IL13RA1: variants seen among roughly 807,000 people sequenced by gnomAD.
The protein encoded by IL13RA1 is interleukin 13 receptor subunit alpha 1.
A neutral mutation model predicts 33.8 loss-of-function variants in IL13RA1; 14 were observed. That is an observed-to-expected ratio of 0.41 (90% CI 0.27 to 0.65). The LOEUF is 0.65. Among genes scored for constraint, IL13RA1 ranks in the 30% least tolerant of loss-of-function variants. IL13RA1 has a pLI of 0.28. For missense variants in IL13RA1, 313 were observed against 327.0 expected (o/e 0.96, Z 0.33); for synonymous variants, 116 against 115.7 (o/e 1.00, Z -0.02).
At chrX:118,787,475 G>C (rs113610288) in intron 10 of IL13RA1, among the ~76,000 whole-genome samples, 5,390 of 111,398 alleles carry the variant, frequency 0.048, 312 homozygotes, top group African/African-American at 0.16. Context: ...TGGTCCTGCT[G>C]TGCATGCATT....
At position 118,766,340 on chromosome X, in the gene IL13RA1, CT is replaced by C. The variant is rs1208568240; in HGVS notation, c.829-179del. Among the ~76,000 whole-genome samples the C allele has an allele frequency of 1.1e-3, 111 of 104,619 alleles. No individual in the cohort carries two copies. In the East Asian group the frequency reaches 0.017, roughly 16 times the overall value. 90.8% of individuals were successfully genotyped at this position (104,619 alleles called of 115,157 possible). On this transcript the variant is annotated intron_variant, in intron 6 of 10. Transcript: ENST00000371666. ...TAGTATGAGGTAGGGCGTCAAGAAT[CT>C]TTTTTTTTTTCATATGCATATGTAA... is the stretch of plus-strand genomic sequence containing the variant.
the IL13RA1 span, among the ~76,000 whole-genome samples, chrX:118,800,285 TC>T: frequency 9.1e-6 from 1 of 109,747 alleles, no homozygotes; most frequent in East Asian, 2.9e-4. Context: ...CGGGTCCCCT[TC>T]CACTTCTTTC....
At position 118,766,839 on chromosome X, in the gene IL13RA1, C is replaced by T; in HGVS notation, c.877-5C>T. 1 of 1,007,664 alleles carries T rather than the reference C, an allele frequency of 9.9e-7. No individual in the cohort carries two copies. The highest frequency in any genetic ancestry group is 2.2e-5 in the South Asian group (1 of 46,453). The allele number at this position is 1,007,664 out of a possible 1,213,427, so 83.0% of individuals were successfully genotyped here. A position where few individuals can be genotyped will look rare whatever the true frequency, so the allele number is the denominator to read the frequency against. On this transcript the variant is annotated splice_region_variant and splice_polypyrimidine_tract_variant and intron_variant, in intron 7 of 10. Coordinates refer to ENST00000371666, the MANE Select transcript of IL13RA1 (RefSeq NM_001560.3). ...TTCCTTGTGTATTTTTATTTTATGC[C>T]TAAGAATACATCTTGTTTCATGGTC...
At chrX:118,776,893 G>C in intron 10 of IL13RA1, among the ~76,000 whole-genome samples, 1 of 109,054 alleles carries the variant, frequency 9.2e-6, no homozygotes, top group East Asian at 2.9e-4. Flanking sequence ...GAGCCCAGGA[G>C]TTCAAGGTTG....
At chrX:118,745,397 GGATTTTGCTCACA>G (rs58878550) in intron 2 of IL13RA1, among the ~76,000 whole-genome samples, 18,897 of 111,257 alleles carry the variant, frequency 0.17, 1,482 homozygotes, top group East Asian at 0.4. Flanking sequence ...CTGCCTGTCA[GGATTTTGCTCACA>G]GACATTTCTT....
At chrX:118,732,412 A>T (rs1030126906) in intron 1 of IL13RA1, among the ~76,000 whole-genome samples, 5 of 109,727 alleles carry the variant, frequency 4.6e-5, no homozygotes, top group Non-Finnish European at 9.5e-5. Context: ...ATATATATAT[A>T]TATTTATTAT....
chrX:118,746,872 C>G (rs2017410862), intron 2 of IL13RA1, 82 bp from the exon 3 acceptor site: 6 of 685,078 alleles, frequency 8.8e-6, no homozygotes, highest in Non-Finnish European at 1.3e-5. Flanking sequence ...ATAAAAAAAG[C>G]ACCACATTTA....
chrX:118,743,307 G>A (rs2017365914), intron 2 of IL13RA1, among the ~76,000 whole-genome samples: 1 of 111,802 alleles, frequency 8.9e-6, no homozygotes, highest in African/African-American at 3.2e-5. Flanking sequence ...TGTACATTAG[G>A]GGGCTTAGGA....
Position 118,773,883 on chromosome X carries a change from G to A in IL13RA1, c.1014G>A (p.Lys338=), listed in dbSNP as rs1231944206. The A allele has an allele frequency of 9.3e-6, 9 of 963,908 alleles. No individual in the cohort carries two copies. The highest frequency in any genetic ancestry group is 2.6e-4 in the Middle Eastern group (1 of 3,881). The allele number at this position is 963,908 out of a possible 1,213,427, so 79.4% of individuals were successfully genotyped here. A position where few individuals can be genotyped will look rare whatever the true frequency, so the allele number is the denominator to read the frequency against. The part of the protein sequence containing the change: ...SNWSQEMSIG[K]KRNSTLYITM... ...TGTTTGCTTTTCATTCTCCAGGTAA[G>A]AAGCGCAATTCCACACTCTACATAA... is the stretch of plus-strand genomic sequence containing the variant. Residue 338 remains lysine, a synonymous_variant, in exon 9 of 11, where the codon AAG becomes AAA. Coordinates refer to ENST00000371666, the MANE Select transcript of IL13RA1 (RefSeq NM_001560.3).
intron 3 of IL13RA1, among the ~76,000 whole-genome samples, chrX:118,749,103 A>G (rs1047226695): frequency 3.6e-5 from 4 of 111,924 alleles, no homozygotes; most frequent in Non-Finnish European, 5.6e-5. Flanking sequence ...TTTAGTAGAG[A>G]CAGGGTTTTG....
At chrX:118,797,535 C>T (rs756578992), downstream of IL13RA1, among the ~76,000 whole-genome samples, 28 of 112,292 alleles carry the variant, frequency 2.5e-4, no homozygotes, top group Non-Finnish European at 4.5e-4. Context: ...TCCCACTCCT[C>T]CTTACCCCTG....
Position 118,775,067 on chromosome X carries a change from AG to A in IL13RA1, c.1106+1093del, listed in dbSNP as rs2017767600. Among the ~76,000 whole-genome samples, 3 of 111,620 alleles carry A rather than the reference AG, an allele frequency of 2.7e-5. No homozygotes were observed. The East Asian group carries it at 8.4e-4, about 31-fold the overall frequency. ...AATAAATACTATAATTTCACTTAGA[AG>A]TATAATTGACAGTAGTGGGGTATGG... On this transcript the variant is annotated intron_variant, in intron 9 of 10. Transcript: ENST00000371666.
intron 1 of IL13RA1, chrX:118,738,043 A>C (rs1321505051): frequency 8.9e-6 from 1 of 111,796 alleles, no homozygotes; most frequent in Non-Finnish European, 1.9e-5. Flanking sequence ...TAATCACTTA[A>C]AATCCTAACT....
At chrX:118,768,064 T>C (rs142808547) in intron 8 of IL13RA1, among the ~76,000 whole-genome samples, 68 of 111,785 alleles carry the variant, frequency 6.1e-4, no homozygotes, top group African/African-American at 1.9e-3. Context: ...TGATTTCTAA[T>C]ATTTGAGGTA....
rs758821336 is a variant in IL13RA1 at position 118,794,039 on chromosome X, G to A, written c.*2185G>A. On this transcript the variant is annotated 3_prime_UTR_variant, in exon 11 of 11. Transcript: ENST00000371666. Reference sequence around the variant, plus strand: ...ATGCCTCCCCCTAGCCATTTTTACTGTTATCCTATTTAGATGGCCATGAAG... The same window carrying A: ...ATGCCTCCCCCTAGCCATTTTTACTATTATCCTATTTAGATGGCCATGAAG... 11 of 112,187 alleles carry A rather than the reference G, an allele frequency of 9.8e-5. No homozygotes were observed. Among genetic ancestry groups the A allele is most frequent in the Non-Finnish European group, 2.1e-4 (11 of 53,234 alleles). The allele number at this position is 112,187 out of a possible 1,213,427, so 9.2% of individuals were successfully genotyped here.
downstream of IL13RA1, among the ~76,000 whole-genome samples, chrX:118,797,740 G>A (rs2018039360): frequency 8.9e-6 from 1 of 112,383 alleles, no homozygotes; most frequent in Non-Finnish European, 1.9e-5. Context: ...AAGCAGAAGA[G>A]GGAGAAAGAG....
At position 118,747,099 on chromosome X, in the gene IL13RA1, A is replaced by G. The variant is rs111691480; in HGVS notation, c.367+7A>G. ...TGCATCTCACCCCCAGAAGGTAACA[A>G]CTGAAAGCGCTATCTCTTGGTGTTT... is the stretch of plus-strand genomic sequence containing the variant. On this transcript the variant is annotated splice_region_variant and intron_variant, in intron 3 of 10. Coordinates refer to ENST00000371666, the MANE Select transcript of IL13RA1 (RefSeq NM_001560.3). 2.3e-4 allele frequency: 255 copies of G among 1,113,073 alleles called. 7 individuals are homozygous for G. Among genetic ancestry groups the G allele is most frequent in the African/African-American group, 2.2e-3 (122 of 55,143 alleles). 91.7% of individuals were successfully genotyped at this position (1,113,073 alleles called of 1,213,427 possible).
chrX:118,779,561 G>T (rs193277191), intron 10 of IL13RA1, among the ~76,000 whole-genome samples: 1 of 111,756 alleles, frequency 8.9e-6, no homozygotes, highest in African/African-American at 3.2e-5. Context: ...TCTAGGCAAA[G>T]GGATTGTGGG....
At chrX:118,776,997 G>GTATATA (rs34840439) in intron 10 of IL13RA1, among the ~76,000 whole-genome samples, 27 of 97,336 alleles carry the variant, frequency 2.8e-4, no homozygotes, top group African/African-American at 9.8e-4. Flanking sequence ...ATGTGTGTGT[G>GTATATA]TATATATATA....
Sources: allele counts gnomAD v4.1 joint callset (sites outside exome capture counted in the v4.1 genomes callset), GRCh38; gene constraint gnomAD v4.1.1; transcripts MANE v1.5; gene names NCBI Gene and HGNC (gene_info 2026-07-23, HGNC 2026-07-21).